THEM4: variants seen among roughly 807,000 people sequenced by gnomAD.
THEM4 encodes acyl-coenzyme A thioesterase THEM4.
In THEM4, 22 loss-of-function variants were observed where a neutral mutation model predicts 25.0. That is an observed-to-expected ratio of 0.88 (90% confidence interval 0.63 to 1.26). THEM4 has a LOEUF of 1.26. Ranked by LOEUF, THEM4 falls within the 50% of genes most tolerant of loss-of-function variation. The pLI is 0.00. For synonymous variants in THEM4, 113 were observed against 105.6 expected, an observed-to-expected ratio of 1.07 and a Z score of -0.43; for missense variants, 286 against 300.3, an observed-to-expected ratio of 0.95 and a Z score of 0.35.
chr1:151,882,100 G>A (rs375690395), intron 4 of THEM4, among the ~76,000 whole-genome samples: 4 of 151,914 alleles, frequency 2.6e-5, no homozygotes, highest in African/African-American at 7.2e-5. Context: ...CATTTAGGCC[G>A]GGCATGGTGG....
chr1:151,902,088 ACTCCTG>A (rs998687283), intron 1 of THEM4, among the ~76,000 whole-genome samples: 5 of 152,262 alleles, frequency 3.3e-5, no homozygotes, highest in Admixed American at 3.3e-4. Context: ...ATACCACCTT[ACTCCTG>A]CAAGAATTGC....
At chr1:151,898,414 C>G (rs987989530) in intron 1 of THEM4, among the ~76,000 whole-genome samples, 5 of 152,180 alleles carry the variant, frequency 3.3e-5, no homozygotes, top group Admixed American at 3.3e-4. Flanking sequence ...CTGCCATCCC[C>G]CACAGAAGCT....
chr1:151,891,701 G>T (rs1389317578), intron 2 of THEM4, among the ~76,000 whole-genome samples: 1 of 152,094 alleles, frequency 6.6e-6, no homozygotes, highest in Non-Finnish European at 1.5e-5. Context: ...GATAAGGCTC[G>T]AGATGTTCAT....
intron 4 of THEM4, among the ~76,000 whole-genome samples, chr1:151,880,545 C>T (rs1004382309): frequency 3.3e-5 from 5 of 151,998 alleles, no homozygotes; most frequent in Non-Finnish European, 7.4e-5. Context: ...GTCAACTTCT[C>T]CCTATGATTA....
At position 151,892,054 on chromosome 1, in the gene THEM4, G is replaced by A. The variant is rs1320566268; in HGVS notation, c.287-2681C>T. The stretch of plus-strand genomic sequence containing the variant: ...ATCTGCCACTTTGGCCTCCCAAAGT[G>A]TTGAGCCACTGTGCCCAGCCCAGAG... On this transcript the variant is annotated intron_variant, in intron 2 of 5. Coordinates refer to ENST00000368814, the MANE Select transcript of THEM4 (RefSeq NM_053055.5). Among the ~76,000 whole-genome samples, 5 of 152,126 alleles carry A rather than the reference G, an allele frequency of 3.3e-5. No homozygotes were observed. The East Asian group carries it at 9.6e-4, about 29-fold the overall frequency.
intron 1 of THEM4, among the ~76,000 whole-genome samples, chr1:151,904,494 T>C (rs1271894546): frequency 6.6e-6 from 1 of 152,222 alleles, no homozygotes; most frequent in African/African-American, 2.4e-5. Context: ...ACTTGAATGA[T>C]ACAGCACGTT....
chr1:151,874,956 T>C lies in THEM4; in HGVS notation c.683-28A>G, dbSNP rs780414275. ...AAACAAACAAAATAACAGCAGATGA[T>C]TATATGTCAACTGACTTCAATTTGA... On this transcript the variant is annotated intron_variant, in intron 5 of 5. Coordinates refer to ENST00000368814, the MANE Select transcript of THEM4 (RefSeq NM_053055.5). 1.9e-6 allele frequency: 3 copies of C among 1,584,456 alleles called. No individual in the cohort carries two copies. The African/African-American group carries it at 4.0e-5, about 21-fold the overall frequency.
chr1:151,875,018 G>A, intron 5 of THEM4, 90 bp from the exon 6 acceptor site: 1 of 1,052,904 alleles, frequency 9.5e-7, no homozygotes, highest in Non-Finnish European at 1.5e-6. Context: ...TACAAAAGAA[G>A]GATTTGATTC....
rs1653558867 is a variant in THEM4 at position 151,871,797 on chromosome 1, T to G, written c.*3091A>C. 6.6e-6 allele frequency among the ~76,000 whole-genome samples: 1 copy of G among 152,198 alleles called. No homozygotes were observed. Among genetic ancestry groups the G allele is most frequent in the Admixed American group, 6.5e-5 (1 of 15,282 alleles). On this transcript the variant is annotated 3_prime_UTR_variant, in exon 6 of 6. Transcript: ENST00000368814. ...TTTCAGTTAGGTTCTTTCACTTGGCTGGAGGTCTGGTGTGCCATAGCAGTT... is the reference window on the plus strand; with the variant it reads ...TTTCAGTTAGGTTCTTTCACTTGGCGGGAGGTCTGGTGTGCCATAGCAGTT...
At chr1:151,883,906 C>T (rs1653901723) in intron 4 of THEM4, among the ~76,000 whole-genome samples, 2 of 151,972 alleles carry the variant, frequency 1.3e-5, no homozygotes, top group African/African-American at 2.4e-5. Flanking sequence ...GAAACCTCGT[C>T]TCTACTAAAA....
intron 5 of THEM4, 90 bp downstream of exon 5, chr1:151,876,911 C>G: frequency 1.3e-6 from 2 of 1,494,172 alleles, no homozygotes; most frequent in Admixed American, 2.3e-5. Context: ...CTGACCCCCA[C>G]AAAACCCAAA....
chr1:151,897,621 G>A (rs1198709792), intron 1 of THEM4, among the ~76,000 whole-genome samples: 4 of 152,248 alleles, frequency 2.6e-5, no homozygotes, highest in Middle Eastern at 3.4e-3. Context: ...CTTCAAAATC[G>A]TATTAGCTGA....
At position 151,877,277 on chromosome 1, in the gene THEM4, C is replaced by T. The variant is rs1443646047; in HGVS notation, c.558-152G>A. On this transcript the variant is annotated intron_variant, in intron 4 of 5. Transcript: ENST00000368814. ...TTAGACAATACATTCCTCAAGGACT[C>T]TGACACCAACAGCCTCTCAAGCTCC... 4.8e-5 allele frequency: 36 copies of T among 752,388 alleles called. No homozygotes were observed. The Admixed American group carries it at 1.0e-3, about 21-fold the overall frequency. The allele number at this position is 752,388 out of a possible 1,614,324, so 46.6% of individuals were successfully genotyped here.
At chr1:151,875,187 G>T (rs1354073648) in intron 5 of THEM4, among the ~76,000 whole-genome samples, 3 of 152,118 alleles carry the variant, frequency 2.0e-5, no homozygotes, top group Non-Finnish European at 2.9e-5. Flanking sequence ...GAAATGAAAA[G>T]AACTAAAATT....
At chr1:151,883,666 A>G (rs1572074826) in intron 4 of THEM4, among the ~76,000 whole-genome samples, 1 of 146,172 alleles carries the variant, frequency 6.8e-6, no homozygotes, top group African/African-American at 2.5e-5. Context: ...ATGGAGTCTC[A>G]CTCTGTTGCC....
At chr1:151,881,141 T>A (rs144583762) in intron 4 of THEM4, among the ~76,000 whole-genome samples, 2 of 152,278 alleles carry the variant, frequency 1.3e-5, no homozygotes, top group African/African-American at 4.8e-5. Context: ...CTTTTGTTAA[T>A]CACTATAATT....
intron 4 of THEM4, among the ~76,000 whole-genome samples, chr1:151,878,889 TATACACACACACACACACAC>T: frequency 7.8e-6 from 1 of 127,692 alleles, no homozygotes; most frequent in Middle Eastern, 3.8e-3. Flanking sequence ...TGTATATGTC[TATACACACACACACACACAC>T]ACACACACAC....
At chr1:151,879,204 A>C (rs771165375) in intron 4 of THEM4, among the ~76,000 whole-genome samples, 3 of 152,194 alleles carry the variant, frequency 2.0e-5, no homozygotes, top group Non-Finnish European at 2.9e-5. Flanking sequence ...TGAATAAAGA[A>C]GACACTGAGG....
rs763925437 is a variant in THEM4 at position 151,877,147 on chromosome 1, GA to G, written c.558-23del. 6 of 1,587,014 alleles carry G rather than the reference GA, an allele frequency of 3.8e-6. No homozygotes were observed. In the Admixed American group the frequency reaches 5.7e-5, roughly 15 times the overall value. On this transcript the variant is annotated intron_variant, in intron 4 of 5. Transcript: ENST00000368814. ...AGGTCTGCAGAATAAAATGAAAAAG[GA>G]AAAAAATCAGTTTTTATCTGACTTA...
Sources: allele counts gnomAD v4.1 joint callset (sites outside exome capture counted in the v4.1 genomes callset), GRCh38; gene constraint gnomAD v4.1.1; transcripts MANE v1.5; gene names NCBI Gene and HGNC (gene_info 2026-07-23, HGNC 2026-07-21).